The following HSPG2 variants were observed in gnomAD, a reference collection of about 807,000 sequenced individuals.
HSPG2 encodes heparan sulfate proteoglycan 2, also known as basement membrane-specific heparan sulfate proteoglycan core protein.
A neutral mutation model predicts 526.6 loss-of-function variants in HSPG2; 278 were observed. The observed-to-expected ratio is 0.53, with a 90% CI of 0.48 to 0.58. The LOEUF (loss-of-function observed/expected upper bound fraction) is 0.58, where lower values mean the gene tolerates loss of function less well. Among genes scored for constraint, HSPG2 ranks in the 20% least tolerant of loss-of-function variants. The probability of loss-of-function intolerance (pLI) is 0.00; values close to 1 mark genes in which losing one functional copy is unlikely to be tolerated. For synonymous variants in HSPG2, 2,465 were observed against 2,555.4 expected, an observed-to-expected ratio of 0.96 and a Z score of 1.07; for missense variants, 5,354 against 6,099.5, an observed-to-expected ratio of 0.88 and a Z score of 4.07.
intron 1 of HSPG2, among the ~76,000 whole-genome samples, chr1:21,903,653 AG>A (rs2152780103): frequency 6.6e-6 from 1 of 152,328 alleles, no homozygotes; most frequent in Non-Finnish European, 1.5e-5. Flanking sequence ...AAGCAAAAAA[AG>A]GTCCCCGCTT....
Position 21,876,551 on chromosome 1 carries a change from G to A in HSPG2, c.2787C>T (p.Val929=). ...DGCLKCFCMG[V]SRHCTSSSWS... ...ATGAAGAGCTGGTGCAGTGGCGACT[G>A]ACACCCATGCAGAAGCACTTGAGGC... The change falls in exon 22 of 97, where the codon GTC becomes GTT. Residue 929 remains valine (V), a synonymous_variant. Transcript: ENST00000374695. 6.2e-7 allele frequency: 1 copy of A among 1,614,230 alleles called. No individual in the cohort carries two copies. The highest frequency in any genetic ancestry group is 8.5e-7 in the Non-Finnish European group (1 of 1,180,038).
Position 21,831,804 on chromosome 1 carries a change from G to A in HSPG2, c.11208-8C>T, listed in dbSNP as rs755953780. 2.3e-5 allele frequency: 36 copies of A among 1,594,472 alleles called. No individual in the cohort carries two copies. The highest frequency in any genetic ancestry group is 1.0e-4 in the South Asian group (9 of 88,452). On this transcript the variant is annotated splice_polypyrimidine_tract_variant and splice_region_variant and intron_variant, in intron 81 of 96. Coordinates refer to ENST00000374695, the MANE Select transcript of HSPG2 (RefSeq NM_005529.7). The stretch of plus-strand genomic sequence containing the variant: ...CCTGAGCCTGCATCGAACCTGCTCC[G>A]TGGGGCAGGCCGGGGCAGGAGAGAG...
In HSPG2 at chr1:21,874,634, T is replaced by C; in HGVS notation, c.3510A>G (p.Pro1170=). 1 of 1,613,818 alleles carries C rather than the reference T, an allele frequency of 6.2e-7. No individual in the cohort carries two copies. The highest frequency in any genetic ancestry group is 8.5e-7 in the Non-Finnish European group (1 of 1,179,882). ...GACTTACCTGGCAGGCACCTGTTTC[T>C]GGCTCGCAGGCCTCTGAGTGGCCAT... The part of the protein sequence containing the change: ...SCHGHSEACE[P]ETGACQGCQH... Residue 1170 remains proline, a synonymous_variant, in exon 27 of 97, where the codon CCA becomes CCG. Coordinates refer to ENST00000374695, the MANE Select transcript of HSPG2 (RefSeq NM_005529.7).
chr1:21,922,974 C>G (rs1292054678), intron 1 of HSPG2, among the ~76,000 whole-genome samples: 1 of 152,134 alleles, frequency 6.6e-6, no homozygotes, highest in African/African-American at 2.4e-5. Context: ...CACCCCGACC[C>G]CAGAAGGCGG....
intron 1 of HSPG2, among the ~76,000 whole-genome samples, chr1:21,924,899 G>C (rs1440623534): frequency 6.6e-6 from 1 of 152,136 alleles, no homozygotes; most frequent in Non-Finnish European, 1.5e-5. Context: ...ATTTCCTCTA[G>C]AAAGTCTTTC....
rs1572118681 is a variant in HSPG2 at position 21,822,453 on chromosome 1, A to C, written c.*863T>G. 6 of 515,684 alleles carry C rather than the reference A, an allele frequency of 1.2e-5. No individual in the cohort carries two copies. The highest frequency in any genetic ancestry group is 5.9e-5 in the African/African-American group (3 of 51,140). 31.9% of individuals were successfully genotyped at this position (515,684 alleles called of 1,614,324 possible). A position where few individuals can be genotyped will look rare whatever the true frequency, so the allele number is the denominator to read the frequency against. On this transcript the variant is annotated 3_prime_UTR_variant, in exon 97 of 97. Transcript: ENST00000374695. ...TCAGTCGTGAGTCCTGCCTTCCCCC[A>C]CCTAAGGCACTAGCTCTTCCTGAGC...
chr1:21,922,410 G>C (rs11580829), intron 1 of HSPG2, among the ~76,000 whole-genome samples: 3,078 of 152,298 alleles, frequency 0.02, 50 homozygotes, highest in African/African-American at 0.034. Context: ...TTTTCTGGGC[G>C]GTCTGAAGCC....
At chr1:21,879,176 C>G (rs1641321013) in intron 17 of HSPG2, 55 bp from the exon 18 acceptor site, 4 of 1,608,186 alleles carry the variant, frequency 2.5e-6, no homozygotes, top group Non-Finnish European at 3.4e-6. Context: ...GGGCCAGATG[C>G]TGCGGGGGAC....
At chr1:21,868,877 CT>C in intron 33 of HSPG2, 1 of 953,990 alleles carries the variant, frequency 1.0e-6, no homozygotes, top group Non-Finnish European at 1.2e-6. Flanking sequence ...CCCCCAAATC[CT>C]TGTTACCTTG....
In HSPG2 at chr1:21,839,420, G is replaced by A. The variant is rs2098039812; in HGVS notation, c.9840C>T (p.Ala3280=). ...CCTCAGCGTGCCCAGCAGGGCTAGT[G>A]GCATTGCAGATGTACTGGCCCGAGT... ...QQDSGQYICN[A]TSPAGHAEAT... is the part of the protein sequence containing the mutation. Residue 3280 remains alanine, a synonymous_variant, in exon 73 of 97, where the codon GCC becomes GCT. Transcript: ENST00000374695. The surrounding 1 kb of genome is among the most constrained non-coding windows in gnomAD (Gnocchi z 4.5). The A allele has an allele frequency of 1.3e-5, 21 of 1,614,008 alleles. No homozygotes were observed. Among genetic ancestry groups the A allele is most frequent in the Non-Finnish European group, 1.8e-5 (21 of 1,180,004 alleles).
Position 21,846,112 on chromosome 1 carries a change from G to T in HSPG2, c.8460C>A (p.Val2820=). 3 of 1,612,560 alleles carry T rather than the reference G, an allele frequency of 1.9e-6. No individual in the cohort carries two copies. Among genetic ancestry groups the T allele is most frequent in the Non-Finnish European group, 1.7e-6 (2 of 1,180,022 alleles). ...TCCCACTGCAGGGACCCTCACCGGG[G>T]ACGTGGACAGCACTTGAGCCAGAGG... ...IEASGSSAVH[V]PAPGGAPPIR... Residue 2820 remains valine (V), a synonymous_variant, in exon 64 of 97, where the codon GTC becomes GTA. Transcript: ENST00000374695.
chr1:21,844,255 GGGA>G lies in HSPG2; in HGVS notation c.8506_8508del (p.Ser2836del), dbSNP rs747521939. On this transcript the variant is annotated inframe_deletion, in exon 65 of 97. Transcript: ENST00000374695. ...TCCAGGGTCTGCCCTTCTGCCACTC[GGGA>G]GGAGGAGGGCTCGATGCGGATGGGT... The G allele has an allele frequency of 6.8e-6, 11 of 1,613,602 alleles. No individual in the cohort carries two copies. Among genetic ancestry groups the G allele is most frequent in the South Asian group, 4.4e-5 (4 of 91,078 alleles).
intron 3 of HSPG2, among the ~76,000 whole-genome samples, chr1:21,894,476 G>A (rs1642603034): frequency 6.6e-6 from 1 of 152,290 alleles, no homozygotes; most frequent in Middle Eastern, 3.4e-3. Context: ...CAGCTGGCAG[G>A]AGCCAGGGTT....
chr1:21,836,913 GC>G lies in HSPG2; in HGVS notation c.10243del (p.Ala3415ProfsTer106). ...CACAGCACAGTGGAACTCAACGCTG[GC>G]CCCAATGCTCTTGGTCTCTAGCTGA... The part of the protein sequence containing the change: ...TPQLETKSIG[A>X]SVEFHCAVPS... On this transcript the variant is annotated frameshift_variant, in exon 75 of 97. Coordinates refer to ENST00000374695, the MANE Select transcript of HSPG2 (RefSeq NM_005529.7). LOFTEE classifies it high-confidence loss of function. The G allele has an allele frequency of 6.4e-7, 1 of 1,560,610 alleles. No homozygotes were observed.
rs936060272 is a variant in HSPG2, at chr1:21,926,716, C to T, written c.63+10439G>A. On this transcript the variant is annotated intron_variant, in intron 1 of 96. Coordinates refer to ENST00000374695, the MANE Select transcript of HSPG2 (RefSeq NM_005529.7). ...GGCAGAGGTTGCAGTGAGCCGAGAT[C>T]GCACCACTACACTTCAGGCTGGGAG... 3.0e-5 allele frequency among the ~76,000 whole-genome samples: 4 copies of T among 131,868 alleles called. 1 individual carries two copies. The South Asian group carries it at 7.6e-4, about 25-fold the overall frequency. The allele number at this position is 131,868 out of a possible 152,430, so 86.5% of individuals were successfully genotyped here. A position where few individuals can be genotyped will look rare whatever the true frequency, so the allele number is the denominator to read the frequency against.
Position 21,887,653 on chromosome 1 carries a change from C to T in HSPG2, c.725G>A (p.Ser242Asn), listed in dbSNP as rs1642029552. Reference protein sequence around the residue: ...LNCEEPVLGISPTFSLLVETT... With the variant: ...LNCEEPVLGINPTFSLLVETT... Reference sequence around the variant, plus strand: ...CTCCACAAGGAGAGAGAATGTGGGGCTGATACCCAGGACTGGCTCCTCTGT... The same window carrying T: ...CTCCACAAGGAGAGAGAATGTGGGGTTGATACCCAGGACTGGCTCCTCTGT... Residue 242 changes from serine (S) to asparagine (N), a missense_variant, in exon 8 of 97, where the codon AGC (serine) becomes AAC (asparagine). Transcript: ENST00000374695. This position sits in a 1 kb window ranked among gnomAD's most constrained non-coding sequence, Gnocchi z 5.0. 1 of 1,613,810 alleles carries T rather than the reference C, an allele frequency of 6.2e-7. No individual in the cohort carries two copies. Among genetic ancestry groups the T allele is most frequent in the Non-Finnish European group, 8.5e-7 (1 of 1,180,014 alleles).
intron 1 of HSPG2, among the ~76,000 whole-genome samples, chr1:21,903,218 A>C (rs751953501): frequency 4.9e-4 from 75 of 152,192 alleles, no homozygotes; most frequent in Non-Finnish European, 9.6e-4. Flanking sequence ...GAAAGAGGGG[A>C]CTAGGTCACA....
intron 87 of HSPG2, 105 bp downstream of exon 87, chr1:21,829,277 GC>G (rs2097991302): frequency 1.4e-6 from 2 of 1,401,002 alleles, no homozygotes; most frequent in Non-Finnish European, 2.0e-6. Context: ...GAGGGGACTT[GC>G]CCTGATCCCT....
chr1:21,925,883 T>G (rs547305410), intron 1 of HSPG2, among the ~76,000 whole-genome samples: 2 of 152,144 alleles, frequency 1.3e-5, no homozygotes, highest in East Asian at 3.9e-4. Context: ...TTTATTTTTT[T>G]TTTTGAGACA....
Sources: gnomAD v4.1 joint callset for allele counts (sites outside exome capture counted in the v4.1 genomes callset) on GRCh38, gnomAD v4.1.1 for gene constraint, Gnocchi (gnomAD v3.1) non-coding constraint, MANE v1.5 for transcripts, NCBI Gene and HGNC (gene_info 2026-07-23, HGNC 2026-07-21) for gene names.